UBTD1: variants seen among roughly 807,000 people sequenced by gnomAD.
The protein encoded by UBTD1 is ubiquitin domain containing 1.
Under a neutral mutation model 21.7 loss-of-function variants are expected in UBTD1, and 19 were observed. The observed-to-expected ratio is 0.87, with a 90% CI of 0.61 to 1.28. The LOEUF (loss-of-function observed/expected upper bound fraction) is 1.28, where lower values mean the gene tolerates loss of function less well. Ranked by LOEUF, UBTD1 falls within the 50% of genes most tolerant of loss-of-function variation. The probability of loss-of-function intolerance (pLI) is 0.00; values close to 1 mark genes in which losing one functional copy is unlikely to be tolerated. For missense variants in UBTD1, 282 were observed against 315.1 expected, an observed-to-expected ratio of 0.89 and a Z score of 0.80; for synonymous variants, 116 against 135.1, an observed-to-expected ratio of 0.86 and a Z score of 0.98.
chr10:97,565,559 G>A (rs2040713517), intron 1 of UBTD1, among the ~76,000 whole-genome samples: 1 of 151,982 alleles, frequency 6.6e-6, no homozygotes. Flanking sequence ...GGCTGCTGGG[G>A]GAGAATACCT....
intron 1 of UBTD1, among the ~76,000 whole-genome samples, chr10:97,544,745 C>T (rs990182003): frequency 6.6e-6 from 1 of 152,176 alleles, no homozygotes; most frequent in South Asian, 2.1e-4. Flanking sequence ...AATCCCAACA[C>T]TTTGGGAGAC....
intron 1 of UBTD1, among the ~76,000 whole-genome samples, chr10:97,536,899 G>C (rs2040564895): frequency 6.6e-6 from 1 of 152,086 alleles, no homozygotes; most frequent in Non-Finnish European, 1.5e-5. Context: ...TCACACAGGA[G>C]GAGGCACAGG....
chr10:97,544,984 G>A lies in UBTD1; in HGVS notation c.71-22930G>A, dbSNP rs59951048. On this transcript the variant is annotated intron_variant, in intron 1 of 2. Coordinates refer to ENST00000370664, the MANE Select transcript of UBTD1 (RefSeq NM_024954.5). ...GTCTTGCTGTCTCAGTGGCAGAGGT[G>A]GAAGAAAACTCGAACCCATGTTGTT... 9.2e-3 allele frequency among the ~76,000 whole-genome samples: 1,404 copies of A among 152,050 alleles called. 30 individuals carry two copies. The highest frequency in any genetic ancestry group is 0.078 in the East Asian group (402 of 5,164).
chr10:97,505,729 G>T (rs984174915), intron 1 of UBTD1, among the ~76,000 whole-genome samples: 1 of 152,160 alleles, frequency 6.6e-6, no homozygotes, highest in Non-Finnish European at 1.5e-5. Context: ...GCCATGAGGT[G>T]ACTGCCACCC....
Position 97,570,207 on chromosome 10 carries a change from C to A in UBTD1, c.368C>A (p.Pro123Gln). 1 of 1,613,330 alleles carries A rather than the reference C, an allele frequency of 6.2e-7. No individual in the cohort carries two copies. The highest frequency in any genetic ancestry group is 8.5e-7 in the Non-Finnish European group (1 of 1,179,984). The change falls in exon 3 of 3, where the codon CCG becomes CAG. Residue 123 changes from proline (P) to glutamine (Q), a missense_variant. By Grantham distance (76) the Pro-to-Gln change is moderately conservative. Coordinates refer to ENST00000370664, the MANE Select transcript of UBTD1 (RefSeq NM_024954.5). This position sits in a 1 kb window ranked among gnomAD's most constrained non-coding sequence, Gnocchi z 6.6. ...CTGCCCATCTACTGCCTGTCACCGC[C>A]GGTGAACCTGCTGCTGGAGCACACG... ...YQLPIYCLSP[P>Q]VNLLLEHTEE... is the part of the protein sequence containing the mutation.
chr10:97,509,660 C>T (rs184018653), intron 1 of UBTD1, among the ~76,000 whole-genome samples: 2 of 152,154 alleles, frequency 1.3e-5, no homozygotes, highest in Admixed American at 6.5e-5. Flanking sequence ...TTTTTTTTCC[C>T]CCCACCCTGA....
chr10:97,543,312 G>A (rs1253386410), intron 1 of UBTD1, among the ~76,000 whole-genome samples: 2 of 152,218 alleles, frequency 1.3e-5, no homozygotes, highest in African/African-American at 4.8e-5. Flanking sequence ...CCGAGGAGGA[G>A]GAAGAGGAAG....
At chr10:97,509,976 T>G (rs1362309040) in intron 1 of UBTD1, among the ~76,000 whole-genome samples, 1 of 141,918 alleles carries the variant, frequency 7.0e-6, no homozygotes, top group Non-Finnish European at 1.5e-5. Flanking sequence ...TTCTTTTTCT[T>G]TATTTTAGAC....
At chr10:97,558,471 G>C (rs1448798397) in intron 1 of UBTD1, among the ~76,000 whole-genome samples, 1 of 152,160 alleles carries the variant, frequency 6.6e-6, no homozygotes, top group Non-Finnish European at 1.5e-5. Flanking sequence ...TTGGACGTGG[G>C]GGCAGCCTTT....
At chr10:97,528,760 C>T (rs1274790165) in intron 1 of UBTD1, among the ~76,000 whole-genome samples, 4 of 116,982 alleles carry the variant, frequency 3.4e-5, no homozygotes, top group Non-Finnish European at 7.3e-5. Context: ...GGCGGCTGGC[C>T]GGGCGGGGGG....
At chr10:97,531,215 CT>C (rs11310713) in intron 1 of UBTD1, among the ~76,000 whole-genome samples, 91,765 of 133,352 alleles carry the variant, frequency 0.69, 31,762 homozygotes, top group Non-Finnish European at 0.78. Flanking sequence ...CATATGCCAT[CT>C]TTTTTTTTTT....
At chr10:97,502,886 C>T (rs1001687275) in intron 1 of UBTD1, among the ~76,000 whole-genome samples, 11 of 99,270 alleles carry the variant, frequency 1.1e-4, no homozygotes, top group African/African-American at 3.2e-4. Context: ...TATATATATA[C>T]GTATATATAT....
intron 1 of UBTD1, among the ~76,000 whole-genome samples, chr10:97,564,409 T>G (rs2040708062): frequency 6.6e-6 from 1 of 152,236 alleles, no homozygotes; most frequent in Non-Finnish European, 1.5e-5. Flanking sequence ...TCCCGTTCCC[T>G]TTCCAGGTCT....
chr10:97,528,131 C>A (rs1304275789), intron 1 of UBTD1, among the ~76,000 whole-genome samples: 1 of 119,866 alleles, frequency 8.3e-6, no homozygotes, highest in African/African-American at 3.1e-5. Context: ...GGGGGCTGAC[C>A]CCCCCACCTC....
chr10:97,510,254 C>A (rs1036961955), intron 1 of UBTD1, among the ~76,000 whole-genome samples: 4 of 152,248 alleles, frequency 2.6e-5, no homozygotes, highest in African/African-American at 4.8e-5. Context: ...CATGAGCCAC[C>A]TTGCCCAGCC....
intron 2 of UBTD1, among the ~76,000 whole-genome samples, chr10:97,568,597 T>C (rs1299534156): frequency 6.6e-6 from 1 of 151,648 alleles, no homozygotes; most frequent in Non-Finnish European, 1.5e-5. Context: ...AATTTTCGTA[T>C]TTTTAGTAGA....
At chr10:97,521,181 C>T (rs370322927) in intron 1 of UBTD1, among the ~76,000 whole-genome samples, 1 of 152,204 alleles carries the variant, frequency 6.6e-6, no homozygotes, top group African/African-American at 2.4e-5. Flanking sequence ...TGCCTTCTCA[C>T]CTGGGACCCG....
At chr10:97,533,552 T>G (rs1305877688) in intron 1 of UBTD1, among the ~76,000 whole-genome samples, 3 of 152,186 alleles carry the variant, frequency 2.0e-5, no homozygotes, top group African/African-American at 7.2e-5. Flanking sequence ...AGGCCTGATC[T>G]GTCTGCCCTC....
At chr10:97,501,199 C>G (rs2040375138) in intron 1 of UBTD1, among the ~76,000 whole-genome samples, 1 of 152,228 alleles carries the variant, frequency 6.6e-6, no homozygotes, top group African/African-American at 2.4e-5. Context: ...GCAACTTCAT[C>G]TTCAGTCATC....
Sources: allele counts gnomAD v4.1 joint callset (sites outside exome capture counted in the v4.1 genomes callset), GRCh38; gene constraint gnomAD v4.1.1; non-coding constraint Gnocchi (gnomAD v3.1); transcripts MANE v1.5; gene names NCBI Gene and HGNC (gene_info 2026-07-23, HGNC 2026-07-21).